Variants in BANK1 observed in about 807,000 individuals in gnomAD.
The protein encoded by BANK1 is B cell scaffold protein with ankyrin repeats 1.
A neutral mutation model predicts 94.5 loss-of-function variants in BANK1; 95 were observed. That is an observed-to-expected ratio of 1.00 (90% confidence interval 0.85 to 1.19). The LOEUF is 1.19. Ranked by LOEUF, BANK1 falls within the 50% of genes most tolerant of loss-of-function variation. The probability of loss-of-function intolerance (pLI) is 0.00; values close to 1 mark genes in which losing one functional copy is unlikely to be tolerated. For missense variants in BANK1, 987 were observed against 932.2 expected (o/e 1.06, Z -0.77); for synonymous variants, 334 against 308.4 (o/e 1.08, Z -0.87).
chr4:101,957,884 G>A lies in BANK1; in HGVS notation c.1206+39695G>A, dbSNP rs150123613. On this transcript the variant is annotated intron_variant, in intron 7 of 16. Transcript: ENST00000322953. ...TTTTGAGACGGAGTCTCGCTCTGTCGCCCAGGCTGGAATGCAGTGGCCTGA... is the reference window on the plus strand; with the variant it reads ...TTTTGAGACGGAGTCTCGCTCTGTCACCCAGGCTGGAATGCAGTGGCCTGA... Among the ~76,000 whole-genome samples, 1,007 of 139,830 alleles carry A rather than the reference G, an allele frequency of 7.2e-3. 10 individuals carry two copies. The highest frequency in any genetic ancestry group is 0.025 in the African/African-American group (941 of 37,100). 91.7% of individuals were successfully genotyped at this position (139,830 alleles called of 152,430 possible).
At chr4:102,014,158 A>G (rs1726612269) in intron 7 of BANK1, among the ~76,000 whole-genome samples, 1 of 152,154 alleles carries the variant, frequency 6.6e-6, no homozygotes. Context: ...CAGCAATATC[A>G]GTTATGATTA....
At chr4:101,911,917 A>G (rs1442796698) in intron 6 of BANK1, among the ~76,000 whole-genome samples, 1 of 152,182 alleles carries the variant, frequency 6.6e-6, no homozygotes, top group Non-Finnish European at 1.5e-5. Context: ...ATAAGCATCT[A>G]TAATTATAGA....
intron 7 of BANK1, among the ~76,000 whole-genome samples, chr4:102,008,960 G>A (rs1343896792): frequency 6.6e-6 from 1 of 152,202 alleles, no homozygotes; most frequent in African/African-American, 2.4e-5. Flanking sequence ...CATGTTTCCT[G>A]AAGTTCACTT....
At chr4:102,026,295 C>G (rs556111320) in intron 9 of BANK1, among the ~76,000 whole-genome samples, 32 of 151,958 alleles carry the variant, frequency 2.1e-4, no homozygotes, top group Admixed American at 1.3e-3. Context: ...ACTTTTTGAT[C>G]ATTATTTCAT....
intron 11 of BANK1, among the ~76,000 whole-genome samples, chr4:102,058,424 T>G (rs1014253174): frequency 6.6e-6 from 1 of 152,088 alleles, no homozygotes; most frequent in East Asian, 1.9e-4. Context: ...TTAATGAAAA[T>G]TATATTAAAT....
intron 2 of BANK1, among the ~76,000 whole-genome samples, chr4:101,852,771 T>C (rs1038454450): frequency 6.6e-6 from 1 of 152,018 alleles, no homozygotes; most frequent in African/African-American, 2.4e-5. Context: ...CTTCCAATTT[T>C]CTCCATTACA....
chr4:101,821,867 G>T (rs1352926247), intron 1 of BANK1, among the ~76,000 whole-genome samples: 1 of 152,128 alleles, frequency 6.6e-6, no homozygotes, highest in African/African-American at 2.4e-5. Context: ...AGGAGTGGGT[G>T]GAGGGCCAAT....
intron 1 of BANK1, among the ~76,000 whole-genome samples, chr4:101,828,383 T>TA (rs1726447172): frequency 7.0e-6 from 1 of 142,126 alleles, no homozygotes; most frequent in Non-Finnish European, 1.5e-5. Flanking sequence ...ATGAGTGAAT[T>TA]TATATATATA....
At chr4:101,796,046 A>C (rs957314949) in intron 1 of BANK1, among the ~76,000 whole-genome samples, 1 of 152,226 alleles carries the variant, frequency 6.6e-6, no homozygotes, top group African/African-American at 2.4e-5. Context: ...AAAGATTCTT[A>C]TCAGTAGAAG....
At chr4:101,793,392 G>A (rs1180880397) in intron 1 of BANK1, among the ~76,000 whole-genome samples, 1 of 152,166 alleles carries the variant, frequency 6.6e-6, no homozygotes, top group Non-Finnish European at 1.5e-5. Context: ...GAAATGTTCT[G>A]ATAAGGTCAC....
chr4:101,836,438 C>T (rs1406090214), intron 2 of BANK1, among the ~76,000 whole-genome samples: 1 of 152,146 alleles, frequency 6.6e-6, no homozygotes, highest in African/African-American at 2.4e-5. Flanking sequence ...CCAGATGGTG[C>T]CACTGCACTC....
intron 7 of BANK1, among the ~76,000 whole-genome samples, chr4:101,978,387 G>A (rs1725208122): frequency 6.6e-6 from 1 of 151,960 alleles, no homozygotes; most frequent in African/African-American, 2.4e-5. Flanking sequence ...ATTCTGTAGA[G>A]GGAGATATTA....
At position 101,863,061 on chromosome 4, in the gene BANK1, AGTCTCTG is replaced by A. The variant is rs1159555692; in HGVS notation, c.763+400_763+406del. ...TTCCCTTTCTTTCTTTTTTCCCCCA[AGTCTCTG>A]GTATATTTTTGTTACTCTGAAAAGC... On this transcript the variant is annotated intron_variant, in intron 4 of 16. Coordinates refer to ENST00000322953, the MANE Select transcript of BANK1 (RefSeq NM_017935.5). Among the ~76,000 whole-genome samples the A allele has an allele frequency of 7.3e-5, 11 of 151,602 alleles. No individual in the cohort carries two copies. The South Asian group carries it at 1.5e-3, about 20-fold the overall frequency.
At position 101,808,354 on chromosome 4, in the gene BANK1, C is replaced by T. The variant is rs890490576; in HGVS notation, c.70+17404C>T. On this transcript the variant is annotated intron_variant, in intron 1 of 16. Transcript: ENST00000322953. ...ACCTACTAATAGATCAACATAGAGA[C>T]ATTCTTTCCAAGGGATAGAACAGAG... Among the ~76,000 whole-genome samples the T allele has an allele frequency of 3.3e-5, 5 of 152,092 alleles. No individual in the cohort carries two copies. The South Asian group carries it at 1.0e-3, about 32-fold the overall frequency.
chr4:101,952,265 TTA>T lies in BANK1; in HGVS notation c.1206+34080_1206+34081del, dbSNP rs376769318. Reference sequence around the variant, plus strand: ...TGAGAAAAAAATAAAAATGGCTTGGTTATATGTTTTTTCGCTTAAAGTAGCAA... The same window carrying T: ...TGAGAAAAAAATAAAAATGGCTTGGTTATGTTTTTTCGCTTAAAGTAGCAA... On this transcript the variant is annotated intron_variant, in intron 7 of 16. Coordinates refer to ENST00000322953, the MANE Select transcript of BANK1 (RefSeq NM_017935.5). Among the ~76,000 whole-genome samples the T allele has an allele frequency of 1.1e-3, 162 of 152,252 alleles. 1 individual carries two copies. The highest frequency in any genetic ancestry group is 3.9e-3 in the African/African-American group (161 of 41,570).
chr4:102,011,529 C>A (rs757137749), intron 7 of BANK1, among the ~76,000 whole-genome samples: 2 of 152,072 alleles, frequency 1.3e-5, no homozygotes, highest in South Asian at 4.2e-4. Context: ...GGTAGGGCCT[C>A]ACAAAATAAA....
At chr4:102,018,063 A>G (rs1424023732) in intron 7 of BANK1, among the ~76,000 whole-genome samples, 1 of 152,202 alleles carries the variant, frequency 6.6e-6, no homozygotes, top group African/African-American at 2.4e-5. Flanking sequence ...TAAAAGATGT[A>G]ATTAGAACTA....
rs1727641417 is a variant in BANK1 at position 101,855,296 on chromosome 4, C to CT, written c.624+110dup. 4 of 1,101,114 alleles carry CT rather than the reference C, an allele frequency of 3.6e-6. No homozygotes were observed. The South Asian group carries it at 8.6e-5, about 24-fold the overall frequency. 68.2% of individuals were successfully genotyped at this position (1,101,114 alleles called of 1,614,324 possible). A position where few individuals can be genotyped will look rare whatever the true frequency, so the allele number is the denominator to read the frequency against. On this transcript the variant is annotated intron_variant, in intron 3 of 16. Transcript: ENST00000322953. The stretch of plus-strand genomic sequence containing the variant: ...GTCTCATTAGGTTGCCCAGGCTGGT[C>CT]TTTAACTCCTGGCCTCAAGAGATCC...
At chr4:102,053,148 G>A (rs1055317641) in intron 11 of BANK1, among the ~76,000 whole-genome samples, 1 of 152,096 alleles carries the variant, frequency 6.6e-6, no homozygotes, top group Non-Finnish European at 1.5e-5. Flanking sequence ...AAGATGTGGA[G>A]AACAGAGATA....
Sources: gnomAD v4.1 joint callset for allele counts (sites outside exome capture counted in the v4.1 genomes callset) on GRCh38, gnomAD v4.1.1 for gene constraint, MANE v1.5 for transcripts, NCBI Gene and HGNC (gene_info 2026-07-23, HGNC 2026-07-21) for gene names.